Variants in BRAF observed in about 807,000 individuals in gnomAD.
BRAF encodes the protein serine/threonine-protein kinase B-raf.
BRAF carries 16 observed loss-of-function variants against 104.6 expected under a neutral mutation model. The ratio of observed to expected loss-of-function variants is 0.15; its 90% CI spans 0.10 to 0.23. The LOEUF (loss-of-function observed/expected upper bound fraction) is 0.23, where lower values mean the gene tolerates loss of function less well. BRAF is among the 10% of genes least tolerant of loss of function. BRAF has a pLI of 1.00. For missense variants in BRAF, 541 were observed against 937.3 expected, an observed-to-expected ratio of 0.58 and a Z score of 5.52; for synonymous variants, 310 against 341.6, an observed-to-expected ratio of 0.91 and a Z score of 1.02.
At chr7:140,838,567 T>G (rs1286003427) in intron 2 of BRAF, among the ~76,000 whole-genome samples, 1 of 152,196 alleles carries the variant, frequency 6.6e-6, no homozygotes, top group Non-Finnish European at 1.5e-5. Flanking sequence ...AATGCAATCC[T>G]TCTCAAAATC....
chr7:140,755,375 T>C (rs1798121140), intron 14 of BRAF, among the ~76,000 whole-genome samples: 1 of 152,184 alleles, frequency 6.6e-6, no homozygotes, highest in Non-Finnish European at 1.5e-5. Context: ...AATGGTATAA[T>C]CAAAATCATG....
intron 1 of BRAF, among the ~76,000 whole-genome samples, chr7:140,908,034 C>G (rs1325632917): frequency 5.3e-5 from 8 of 152,190 alleles, no homozygotes; most frequent in Admixed American, 5.2e-4. Flanking sequence ...CGTGAGCCAC[C>G]GTGCCTGGCC....
chr7:140,717,985 CT>C (rs568901622), downstream of BRAF, among the ~76,000 whole-genome samples: 11 of 152,102 alleles, frequency 7.2e-5, no homozygotes, highest in Non-Finnish European at 1.6e-4. Context: ...CCTTTTAAGT[CT>C]TGATAACATT....
rs142710637 is a variant in BRAF at position 140,771,404 on chromosome 7, G to C, written c.1814+5508C>G. Among the ~76,000 whole-genome samples the C allele has an allele frequency of 3.2e-3, 493 of 152,252 alleles. 3 individuals are homozygous for C. The highest frequency in any genetic ancestry group is 0.011 in the African/African-American group (471 of 41,542). ...AGAGACGGGGTTTTGCCGTTGCCCA[G>C]GCTGGTCTTGAACTCCTTGGCTCGG... is the stretch of plus-strand genomic sequence containing the variant. On this transcript the variant is annotated intron_variant, in intron 14 of 19. Coordinates refer to ENST00000644969, the MANE Select transcript of BRAF (RefSeq NM_001374258.1).
At chr7:140,799,684 G>A (rs1802880148) in intron 7 of BRAF, 1 of 232,554 alleles carries the variant, frequency 4.3e-6, no homozygotes, top group African/African-American at 2.2e-5. Context: ...AAGTTTTCCT[G>A]AGCACTCTCT....
intron 18 of BRAF, among the ~76,000 whole-genome samples, chr7:140,735,921 CAAAG>C (rs1212049106): frequency 6.6e-6 from 1 of 151,898 alleles, no homozygotes; most frequent in Non-Finnish European, 1.5e-5. Context: ...TAGTATAAGA[CAAAG>C]AAGTAAGCAG....
chr7:140,828,344 C>T (rs925655897), intron 3 of BRAF, among the ~76,000 whole-genome samples: 4 of 152,230 alleles, frequency 2.6e-5, no homozygotes, highest in African/African-American at 7.2e-5. Flanking sequence ...TATAGTTCAG[C>T]GATACCTTAA....
At chr7:140,783,209 A>C in intron 10 of BRAF, 52 bp from the exon 10 acceptor site, 1 of 1,600,850 alleles carries the variant, frequency 6.2e-7, no homozygotes, top group Non-Finnish European at 8.5e-7. Context: ...AAGTATGTTA[A>C]TTTATCAGGG....
chr7:140,912,407 C>A (rs1402211309), intron 1 of BRAF, among the ~76,000 whole-genome samples: 1 of 152,186 alleles, frequency 6.6e-6, no homozygotes, highest in Non-Finnish European at 1.5e-5. Context: ...AGTATAGATG[C>A]TCCTATAGAA....
intron 3 of BRAF, among the ~76,000 whole-genome samples, chr7:140,829,715 G>A (rs1041932044): frequency 6.6e-6 from 1 of 152,084 alleles, no homozygotes; most frequent in South Asian, 2.1e-4. Flanking sequence ...CAGATTACCA[G>A]TTTATCTTTC....
At chr7:140,736,378 C>T (rs918194645) in intron 18 of BRAF, among the ~76,000 whole-genome samples, 2 of 151,370 alleles carry the variant, frequency 1.3e-5, no homozygotes, top group African/African-American at 4.9e-5. Flanking sequence ...CTCTTCAGTA[C>T]CTTTTTTTAT....
intron 5 of BRAF, among the ~76,000 whole-genome samples, chr7:140,805,433 A>G (rs1375777734): frequency 6.6e-6 from 1 of 152,212 alleles, no homozygotes; most frequent in Non-Finnish European, 1.5e-5. Context: ...AGGAAAGAAA[A>G]CATGTGGATA....
intron 1 of BRAF, among the ~76,000 whole-genome samples, chr7:140,906,128 T>C (rs1333276417): frequency 1.4e-5 from 2 of 148,114 alleles, no homozygotes; most frequent in Non-Finnish European, 3.0e-5. Context: ...ACATATAATT[T>C]ATCAAGGTCA....
intron 4 of BRAF, chr7:140,808,344 T>C (rs770263301): frequency 5.6e-6 from 2 of 359,474 alleles, no homozygotes; most frequent in South Asian, 2.1e-5. Context: ...GGATTGTTCC[T>C]GGGGTCCAAA....
At chr7:140,841,367 A>G (rs1171656047) in intron 2 of BRAF, among the ~76,000 whole-genome samples, 1 of 152,234 alleles carries the variant, frequency 6.6e-6, no homozygotes, top group Non-Finnish European at 1.5e-5. Flanking sequence ...AGTTACCACA[A>G]GACCCAGCAA....
At chr7:140,763,502 C>T (rs1487925064) in intron 14 of BRAF, among the ~76,000 whole-genome samples, 1 of 152,180 alleles carries the variant, frequency 6.6e-6, no homozygotes, top group Non-Finnish European at 1.5e-5. Flanking sequence ...GCGGCTGGCC[C>T]AGGAGCTGGT....
chr7:140,866,762 T>C (rs1292052765), intron 1 of BRAF, among the ~76,000 whole-genome samples: 1 of 152,108 alleles, frequency 6.6e-6, no homozygotes, highest in African/African-American at 2.4e-5. Flanking sequence ...TAATGAATTA[T>C]CTTCTCTCCA....
chr7:140,815,132 C>G lies in BRAF; in HGVS notation c.505-6137G>C, dbSNP rs548303933. On this transcript the variant is annotated intron_variant, in intron 3 of 19. Transcript: ENST00000644969. ...AAGTTCTTTTTTGGGACTATTACAT[C>G]AATTACATTTTTTTTTTTTTTTTGA... is the stretch of plus-strand genomic sequence containing the variant. Among the ~76,000 whole-genome samples the G allele has an allele frequency of 3.4e-3, 518 of 151,026 alleles. 2 individuals carry two copies. Among genetic ancestry groups the G allele is most frequent in the African/African-American group, 0.012 (500 of 41,288 alleles).
Position 140,750,458 on chromosome 7 carries a change from TAACAGA to T in BRAF, c.1981-1046_1981-1041del, listed in dbSNP as rs149779463. Reference sequence around the variant, plus strand: ...TACACTCCAGTCCAATCACACAACGTAACAGAGTCTGGGGGTGGGACCCAAACATTA... The same window carrying T: ...TACACTCCAGTCCAATCACACAACGTGTCTGGGGGTGGGACCCAAACATTA... On this transcript the variant is annotated intron_variant, in intron 16 of 19. Coordinates refer to ENST00000644969, the MANE Select transcript of BRAF (RefSeq NM_001374258.1). Among the ~76,000 whole-genome samples, 984 of 152,282 alleles carry T rather than the reference TAACAGA, an allele frequency of 6.5e-3. 9 individuals are homozygous for T. The highest frequency in any genetic ancestry group is 0.023 in the African/African-American group (938 of 41,542).
Sources: gnomAD v4.1 joint callset for allele counts (sites outside exome capture counted in the v4.1 genomes callset) on GRCh38, gnomAD v4.1.1 for gene constraint, MANE v1.5 for transcripts, NCBI Gene and HGNC (gene_info 2026-07-23, HGNC 2026-07-21) for gene names.